RHOH: variants seen among roughly 807,000 people sequenced by gnomAD.
The protein encoded by RHOH is rho-related GTP-binding protein RhoH.
RHOH carries 6 observed loss-of-function variants against 13.8 expected under a neutral mutation model. The observed-to-expected ratio is 0.44, with a 90% CI of 0.24 to 0.86. The LOEUF is 0.86. RHOH is among the 40% of genes least tolerant of loss of function. The pLI, the probability that RHOH is intolerant of heterozygous loss-of-function variation, is 0.24. For synonymous variants in RHOH, 117 were observed against 103.0 expected (o/e 1.14, Z -0.82); for missense variants, 147 against 244.5 (o/e 0.60, Z 2.66).
At chr4:40,232,407 T>C (rs1038314718) in intron 1 of RHOH, among the ~76,000 whole-genome samples, 1 of 122,936 alleles carries the variant, frequency 8.1e-6, no homozygotes, top group African/African-American at 2.9e-5. Flanking sequence ...TTTTTTTTAG[T>C]ATAGACTTGG....
intron 1 of RHOH, among the ~76,000 whole-genome samples, chr4:40,197,971 G>A (rs907821312): frequency 6.6e-6 from 1 of 152,176 alleles, no homozygotes. Context: ...ACGTATTCAA[G>A]CAGGCAACAA....
In RHOH at chr4:40,246,716, T is replaced by C. The variant is rs1729788864; in HGVS notation, c.*2754T>C. On this transcript the variant is annotated 3_prime_UTR_variant, in exon 3 of 3. Coordinates refer to ENST00000381799, the MANE Select transcript of RHOH (RefSeq NM_004310.5). ...GTAATTGGGCTTCTGTGCCACACAG[T>C]GGTTATAGAAAGCAAGCAGACCCTC... 6.6e-6 allele frequency: 1 copy of C among 152,080 alleles called. No homozygotes were observed. The highest frequency in any genetic ancestry group is 1.5e-5 in the Non-Finnish European group (1 of 68,054). The allele number at this position is 152,080 out of a possible 1,614,324, so 9.4% of individuals were successfully genotyped here. A position where few individuals can be genotyped will look rare whatever the true frequency, so the allele number is the denominator to read the frequency against.
At chr4:40,200,933 T>C (rs980791646) in intron 1 of RHOH, among the ~76,000 whole-genome samples, 14 of 152,236 alleles carry the variant, frequency 9.2e-5, no homozygotes, top group African/African-American at 3.4e-4. Context: ...TTACTGAATG[T>C]TCAAGTGCTT....
At chr4:40,191,564 C>G (rs1722711338), upstream of RHOH, among the ~76,000 whole-genome samples, 1 of 152,214 alleles carries the variant, frequency 6.6e-6, no homozygotes. Flanking sequence ...CTCTGACAGA[C>G]TTTTTAGAAA....
Position 40,244,022 on chromosome 4 carries a change from A to T in RHOH, c.*60A>T, listed in dbSNP as rs1729590543. On this transcript the variant is annotated 3_prime_UTR_variant, in exon 3 of 3. Coordinates refer to ENST00000381799, the MANE Select transcript of RHOH (RefSeq NM_004310.5). ...ACCCCAAAGACTAATGGGGAGAGGG[A>T]GGGCCGGGAAGCCAGGAAAGCTTGG... The T allele has an allele frequency of 2.9e-6, 4 of 1,385,184 alleles. No individual in the cohort carries two copies. Among genetic ancestry groups the T allele is most frequent in the Middle Eastern group, 3.7e-4 (2 of 5,434 alleles). 85.8% of individuals were successfully genotyped at this position (1,385,184 alleles called of 1,614,324 possible).
upstream of RHOH, chr4:40,193,605 A>G (rs2109327392): frequency 6.6e-6 from 1 of 152,602 alleles, no homozygotes; most frequent in Admixed American, 6.5e-5. Context: ...ATTAGATGGC[A>G]ACCCCCTGTC....
At chr4:40,220,319 A>G (rs1726400380) in intron 1 of RHOH, among the ~76,000 whole-genome samples, 1 of 145,190 alleles carries the variant, frequency 6.9e-6, no homozygotes, top group African/African-American at 2.6e-5. Context: ...CTCTGTCCTT[A>G]GTGTTCTCTT....
intron 1 of RHOH, among the ~76,000 whole-genome samples, chr4:40,201,019 C>T (rs1723903548): frequency 1.3e-5 from 2 of 152,202 alleles, no homozygotes; most frequent in Admixed American, 6.5e-5. Context: ...GACCTCTTCC[C>T]CATTTCGTAG....
rs145167659 is a variant in RHOH at position 40,199,251 on chromosome 4, T to C, written c.-331+1951T>C. ...ACTGAAAAAAAAATCTCTCAATAGA[T>C]GCAACTCTTATGATTCTTATTAAGG... On this transcript the variant is annotated intron_variant, in intron 1 of 2. Coordinates refer to ENST00000381799, the MANE Select transcript of RHOH (RefSeq NM_004310.5). Among the ~76,000 whole-genome samples, 22 of 152,276 alleles carry C rather than the reference T, an allele frequency of 1.4e-4. No individual in the cohort carries two copies. The East Asian group carries it at 4.1e-3, about 28-fold the overall frequency.
intron 1 of RHOH, among the ~76,000 whole-genome samples, chr4:40,211,197 T>C (rs1725230169): frequency 6.6e-6 from 1 of 152,212 alleles, no homozygotes; most frequent in African/African-American, 2.4e-5. Flanking sequence ...AAGAGGTATG[T>C]TTTGTAAGTT....
chr4:40,201,691 A>AGC (rs1349170383), intron 1 of RHOH, among the ~76,000 whole-genome samples: 2 of 152,206 alleles, frequency 1.3e-5, no homozygotes, highest in Non-Finnish European at 2.9e-5. Flanking sequence ...GCATGTTGTT[A>AGC]AACGTTTACT....
intron 1 of RHOH, among the ~76,000 whole-genome samples, chr4:40,241,716 G>T (rs184793949): frequency 6.6e-6 from 1 of 151,994 alleles, no homozygotes; most frequent in Non-Finnish European, 1.5e-5. Context: ...TAGTGAGACT[G>T]TGTCTCTACA....
intron 1 of RHOH, among the ~76,000 whole-genome samples, chr4:40,214,154 T>C (rs1047797156): frequency 2.0e-5 from 3 of 152,156 alleles, no homozygotes; most frequent in Non-Finnish European, 4.4e-5. Context: ...CCTTTGCTAT[T>C]TGGTTCGCAG....
intron 1 of RHOH, among the ~76,000 whole-genome samples, chr4:40,224,597 G>A (rs956205614): frequency 1.3e-5 from 2 of 152,182 alleles, no homozygotes; most frequent in South Asian, 2.1e-4. Flanking sequence ...ATCACCATGC[G>A]CTGGCAGTGA....
intron 1 of RHOH, among the ~76,000 whole-genome samples, chr4:40,207,223 C>T (rs1203780107): frequency 6.6e-6 from 1 of 151,060 alleles, no homozygotes; most frequent in Non-Finnish European, 1.5e-5. Context: ...AAAAAAAAGT[C>T]ATCATCCCAG....
At chr4:40,192,829 T>C (rs1722760862), upstream of RHOH, 1 of 152,182 alleles carries the variant, frequency 6.6e-6, no homozygotes, top group South Asian at 2.1e-4. Context: ...GTTCTCTCTG[T>C]GGGGAGGCAG....
At chr4:40,203,173 C>G (rs746060685) in intron 1 of RHOH, among the ~76,000 whole-genome samples, 2 of 152,092 alleles carry the variant, frequency 1.3e-5, no homozygotes, top group Non-Finnish European at 2.9e-5. Flanking sequence ...GGAGTTTCAC[C>G]GTGTTAGCCA....
In RHOH at chr4:40,244,449, GA is replaced by G. The variant is rs1364179577; in HGVS notation, c.*490del. 7 of 218,732 alleles carry G rather than the reference GA, an allele frequency of 3.2e-5. No individual in the cohort carries two copies. The highest frequency in any genetic ancestry group is 6.0e-5 in the Non-Finnish European group (6 of 99,634). The allele number at this position is 218,732 out of a possible 1,614,324, so 13.5% of individuals were successfully genotyped here. A position where few individuals can be genotyped will look rare whatever the true frequency, so the allele number is the denominator to read the frequency against. ...AGTGTTATTATTTTCACCTCAAGTAGAAAGTCTGTTGAAACCACTTGGCTGC... is the reference window on the plus strand; with the variant it reads ...AGTGTTATTATTTTCACCTCAAGTAGAAGTCTGTTGAAACCACTTGGCTGC... On this transcript the variant is annotated 3_prime_UTR_variant, in exon 3 of 3. Transcript: ENST00000381799.
At chr4:40,237,847 A>G (rs1403914022) in intron 1 of RHOH, among the ~76,000 whole-genome samples, 1 of 152,200 alleles carries the variant, frequency 6.6e-6, no homozygotes, top group East Asian at 1.9e-4. Flanking sequence ...TACCTCCACC[A>G]AAGCCCAGCT....
Sources: allele counts gnomAD v4.1 joint callset (sites outside exome capture counted in the v4.1 genomes callset), GRCh38; gene constraint gnomAD v4.1.1; transcripts MANE v1.5; gene names NCBI Gene and HGNC (gene_info 2026-07-23, HGNC 2026-07-21).